ARHGAP15: variants seen among roughly 807,000 people sequenced by gnomAD.
The protein encoded by ARHGAP15 is rho GTPase-activating protein 15.
Under a neutral mutation model 63.7 loss-of-function variants are expected in ARHGAP15, and 51 were observed. The ratio of observed to expected loss-of-function variants is 0.80; its 90% CI spans 0.64 to 1.01. ARHGAP15 has a LOEUF of 1.01. Ranked by LOEUF, ARHGAP15 falls within the 50% of genes least tolerant of loss-of-function variation. ARHGAP15 has a pLI of 0.00. For synonymous variants in ARHGAP15, 191 were observed against 193.8 expected (o/e 0.99, Z 0.12); for missense variants, 560 against 564.6 (o/e 0.99, Z 0.08).
intron 11 of ARHGAP15, among the ~76,000 whole-genome samples, chr2:143,600,706 T>G (rs1329375133): frequency 6.6e-6 from 1 of 152,148 alleles, no homozygotes; most frequent in African/African-American, 2.4e-5. Context: ...GTAGATTAAA[T>G]CAATTGTCAG....
Position 143,154,528 on chromosome 2 carries a change from A to T in ARHGAP15, c.-14-949A>T, listed in dbSNP as rs188297522. Among the ~76,000 whole-genome samples the T allele has an allele frequency of 2.3e-3, 347 of 152,038 alleles. 8 individuals are homozygous for T. The highest frequency in any genetic ancestry group is 0.02 in the Admixed American group (311 of 15,246). On this transcript the variant is annotated intron_variant, in intron 1 of 13. Transcript: ENST00000295095. Reference sequence around the variant, plus strand: ...CACAGTGCTCGGAGCCCGCTATAGGATGTCTATTAGGTTAGACTTGGAGAC... The same window carrying T: ...CACAGTGCTCGGAGCCCGCTATAGGTTGTCTATTAGGTTAGACTTGGAGAC...
chr2:143,650,928 T>C (rs573587351), intron 12 of ARHGAP15, among the ~76,000 whole-genome samples: 1 of 152,088 alleles, frequency 6.6e-6, no homozygotes, highest in East Asian at 1.9e-4. Context: ...AGGTTGTGCA[T>C]TTTTGCTGTG....
chr2:143,627,798 A>G (rs1698895477), intron 12 of ARHGAP15, among the ~76,000 whole-genome samples: 1 of 152,052 alleles, frequency 6.6e-6, no homozygotes, highest in South Asian at 2.1e-4. Flanking sequence ...CTAGCCAGCT[A>G]TATTTTGCAG....
intron 6 of ARHGAP15, among the ~76,000 whole-genome samples, chr2:143,318,508 C>CTTTT (rs1683832863): frequency 3.4e-5 from 3 of 87,892 alleles, no homozygotes; most frequent in Admixed American, 1.2e-4. Context: ...AGATTAAGGG[C>CTTTT]CTTTTTTTTT....
intron 6 of ARHGAP15, among the ~76,000 whole-genome samples, chr2:143,368,647 G>T (rs754166560): frequency 1.2e-4 from 19 of 152,020 alleles, no homozygotes; most frequent in Non-Finnish European, 2.2e-4. Flanking sequence ...AACTAAAGCA[G>T]AATCTGAAGG....
chr2:143,160,035 G>A (rs570911777), intron 2 of ARHGAP15, among the ~76,000 whole-genome samples: 33 of 151,914 alleles, frequency 2.2e-4, no homozygotes, highest in African/African-American at 7.9e-4. Context: ...GGCATTCTCA[G>A]CGCTCAGGGT....
intron 13 of ARHGAP15, among the ~76,000 whole-genome samples, chr2:143,736,441 G>A (rs1015841109): frequency 3.3e-5 from 5 of 151,646 alleles, no homozygotes; most frequent in Non-Finnish European, 7.4e-5. Flanking sequence ...TATATGTGGA[G>A]ACAGTAGAGT....
At chr2:143,361,867 G>A (rs577850672) in intron 6 of ARHGAP15, among the ~76,000 whole-genome samples, 2 of 152,262 alleles carry the variant, frequency 1.3e-5, no homozygotes, top group East Asian at 3.9e-4. Context: ...GTTGTTCACT[G>A]TTAATAATTT....
At chr2:143,588,011 G>T (rs1697176114) in intron 11 of ARHGAP15, among the ~76,000 whole-genome samples, 1 of 152,122 alleles carries the variant, frequency 6.6e-6, no homozygotes, top group Non-Finnish European at 1.5e-5. Context: ...TAATCATTTA[G>T]AATTTTAGCC....
intron 2 of ARHGAP15, among the ~76,000 whole-genome samples, chr2:143,180,624 G>A (rs1379736634): frequency 6.6e-6 from 1 of 152,140 alleles, no homozygotes; most frequent in African/African-American, 2.4e-5. Context: ...AGATCCATCA[G>A]CGGAATCACT....
intron 10 of ARHGAP15, among the ~76,000 whole-genome samples, chr2:143,527,408 C>A (rs1373987329): frequency 2.0e-5 from 3 of 151,630 alleles, no homozygotes; most frequent in Non-Finnish European, 4.4e-5. Context: ...TCAAAATAAT[C>A]ATTTATTTTC....
chr2:143,452,324 G>A (rs1356701894), intron 8 of ARHGAP15, among the ~76,000 whole-genome samples: 2 of 151,894 alleles, frequency 1.3e-5, no homozygotes, highest in African/African-American at 4.8e-5. Context: ...TTATTGTGTA[G>A]GCTCATCTTC....
chr2:143,182,104 C>T (rs1691259266), intron 2 of ARHGAP15, among the ~76,000 whole-genome samples: 1 of 151,964 alleles, frequency 6.6e-6, no homozygotes, highest in Non-Finnish European at 1.5e-5. Flanking sequence ...TCTGGGATTA[C>T]AGGTACTCAG....
At chr2:143,370,861 A>G (rs944208692) in intron 6 of ARHGAP15, among the ~76,000 whole-genome samples, 5 of 152,168 alleles carry the variant, frequency 3.3e-5, no homozygotes, top group Non-Finnish European at 7.3e-5. Context: ...CCCATGTTAA[A>G]AGTTTAATGT....
At chr2:143,639,346 T>C (rs1033926784) in intron 12 of ARHGAP15, among the ~76,000 whole-genome samples, 31 of 152,122 alleles carry the variant, frequency 2.0e-4, no homozygotes, top group African/African-American at 7.5e-4. Context: ...TTGCTTTCTG[T>C]ATCCAAGGCA....
At chr2:143,280,593 G>A (rs1347071029) in intron 6 of ARHGAP15, among the ~76,000 whole-genome samples, 1 of 152,062 alleles carries the variant, frequency 6.6e-6, no homozygotes, top group Non-Finnish European at 1.5e-5. Context: ...AGGCAGAAAT[G>A]GTTTTTCCCC....
At chr2:143,207,849 T>A (rs1296357200) in intron 3 of ARHGAP15, among the ~76,000 whole-genome samples, 2 of 152,166 alleles carry the variant, frequency 1.3e-5, no homozygotes, top group Non-Finnish European at 2.9e-5. Context: ...GACACTTGAA[T>A]TATTTTTCAG....
chr2:143,412,009 G>T (rs900108099), intron 6 of ARHGAP15, among the ~76,000 whole-genome samples: 2 of 152,148 alleles, frequency 1.3e-5, no homozygotes, highest in African/African-American at 4.8e-5. Context: ...GAGGAGAGGG[G>T]TCAATATGAT....
chr2:143,324,031 G>A (rs984226800), intron 6 of ARHGAP15, among the ~76,000 whole-genome samples: 3 of 151,144 alleles, frequency 2.0e-5, no homozygotes, highest in African/African-American at 7.3e-5. Context: ...AGAGATGTAA[G>A]CATGAAGAAG....
Sources: gnomAD v4.1 joint callset for allele counts (sites outside exome capture counted in the v4.1 genomes callset) on GRCh38, gnomAD v4.1.1 for gene constraint, MANE v1.5 for transcripts, NCBI Gene and HGNC (gene_info 2026-07-23, HGNC 2026-07-21) for gene names.